POU6F2: variants seen among roughly 807,000 people sequenced by gnomAD.
POU6F2 encodes POU class 6 homeobox 2, also known as POU domain, class 6, transcription factor 2.
Under a neutral mutation model 71.3 loss-of-function variants are expected in POU6F2, and 31 were observed. That is an observed-to-expected ratio of 0.43 (90% CI 0.33 to 0.59). POU6F2 has a LOEUF of 0.59. Ranked by LOEUF, POU6F2 falls within the 20% of genes least tolerant of loss-of-function variation. The pLI is 0.04. For missense variants in POU6F2, 783 were observed against 856.8 expected (o/e 0.91, Z 1.07); for synonymous variants, 347 against 355.7 (o/e 0.98, Z 0.27).
intron 4 of POU6F2, among the ~76,000 whole-genome samples, chr7:39,230,416 C>T (rs1418021231): frequency 3.3e-5 from 5 of 151,492 alleles, no homozygotes; most frequent in Admixed American, 6.6e-5. Context: ...CCCAGGAATT[C>T]GAGGCTGCAG....
intron 3 of POU6F2, among the ~76,000 whole-genome samples, chr7:39,205,478 A>G (rs779029759): frequency 9.2e-5 from 14 of 151,860 alleles, no homozygotes; most frequent in Non-Finnish European, 1.9e-4. Flanking sequence ...TGAGCCCACA[A>G]ATCCTATTTT....
intron 1 of POU6F2, among the ~76,000 whole-genome samples, chr7:39,038,213 G>A (rs1021822669): frequency 6.6e-6 from 1 of 151,816 alleles, no homozygotes; most frequent in African/African-American, 2.4e-5. Flanking sequence ...CCAAGATGAG[G>A]ATACAAGATC....
At chr7:39,178,588 T>G (rs979582833) in intron 2 of POU6F2, among the ~76,000 whole-genome samples, 5 of 152,348 alleles carry the variant, frequency 3.3e-5, no homozygotes, top group South Asian at 4.1e-4. Flanking sequence ...ATTTAACAAC[T>G]TGTCATTTTG....
intron 5 of POU6F2, among the ~76,000 whole-genome samples, chr7:39,350,413 G>T (rs1043451470): frequency 6.6e-5 from 10 of 152,154 alleles, no homozygotes; most frequent in East Asian, 3.9e-4. Context: ...TGGAAACTTG[G>T]TTTTTTGGGG....
intron 6 of POU6F2, among the ~76,000 whole-genome samples, chr7:39,413,739 C>T (rs1787607729): frequency 6.6e-6 from 1 of 152,106 alleles, no homozygotes; most frequent in South Asian, 2.1e-4. Flanking sequence ...TATATATGTT[C>T]ATGGGATTAG....
chr7:39,233,302 CAA>C lies in POU6F2; in HGVS notation c.598+25696_598+25697del, dbSNP rs59496470. Among the ~76,000 whole-genome samples, 506 of 136,034 alleles carry C rather than the reference CAA, an allele frequency of 3.7e-3. 5 individuals carry two copies. The highest frequency in any genetic ancestry group is 0.011 in the African/African-American group (391 of 36,482). 89.2% of individuals were successfully genotyped at this position (136,034 alleles called of 152,430 possible). A position where few individuals can be genotyped will look rare whatever the true frequency, so the allele number is the denominator to read the frequency against. ...GAAATAGTGGTATTATCTGTTTTAC[CAA>C]AAAAAAAAAAAAATTCTGCTAAGTA... is the stretch of plus-strand genomic sequence containing the variant. On this transcript the variant is annotated intron_variant, in intron 4 of 9. Coordinates refer to ENST00000518318, the MANE Select transcript of POU6F2 (RefSeq NM_001370959.1).
chr7:39,054,098 T>C (rs1175934192), intron 1 of POU6F2, among the ~76,000 whole-genome samples: 1 of 151,038 alleles, frequency 6.6e-6, no homozygotes, highest in Non-Finnish European at 1.5e-5. Flanking sequence ...CAAGACTCCA[T>C]CTCCAAAAAA....
intron 7 of POU6F2, among the ~76,000 whole-genome samples, chr7:39,450,720 G>A (rs558473372): frequency 6.6e-6 from 1 of 152,274 alleles, no homozygotes; most frequent in Admixed American, 6.5e-5. Context: ...TCGGGTCCCA[G>A]GGTCAGACTT....
intron 4 of POU6F2, among the ~76,000 whole-genome samples, chr7:39,321,692 T>G (rs1327943765): frequency 6.6e-6 from 1 of 152,172 alleles, no homozygotes; most frequent in Non-Finnish European, 1.5e-5. Context: ...GTTGAAGTTA[T>G]GTTTATAAGT....
At chr7:39,130,220 A>G (rs1325492095) in intron 2 of POU6F2, among the ~76,000 whole-genome samples, 3 of 151,840 alleles carry the variant, frequency 2.0e-5, no homozygotes, top group African/African-American at 4.8e-5. Flanking sequence ...TTTATTAACT[A>G]TAGGAAAAAT....
intron 4 of POU6F2, among the ~76,000 whole-genome samples, chr7:39,303,307 C>T (rs1236035685): frequency 6.6e-6 from 1 of 152,122 alleles, no homozygotes; most frequent in East Asian, 1.9e-4. Context: ...TCCGCCGCGC[C>T]TGGCTAATTT....
chr7:39,015,838 A>T (rs867706605), intron 1 of POU6F2, among the ~76,000 whole-genome samples: 524 of 36,042 alleles, frequency 0.015, 23 homozygotes, highest in Middle Eastern at 0.045. Context: ...TAGATATATA[A>T]TATATTATAT....
chr7:38,987,986 G>A (rs1788504239), intron 1 of POU6F2, among the ~76,000 whole-genome samples: 1 of 152,096 alleles, frequency 6.6e-6, no homozygotes, highest in Non-Finnish European at 1.5e-5. Context: ...TTTAAAGGTA[G>A]CTGGCTTCTT....
intron 5 of POU6F2, among the ~76,000 whole-genome samples, chr7:39,352,192 G>A (rs1786150810): frequency 6.6e-6 from 1 of 152,220 alleles, no homozygotes; most frequent in African/African-American, 2.4e-5. Context: ...CACCAGTGCA[G>A]CGATTAAAGT....
chr7:39,134,861 A>G (rs1463521156), intron 2 of POU6F2, among the ~76,000 whole-genome samples: 1 of 152,214 alleles, frequency 6.6e-6, no homozygotes, highest in East Asian at 1.9e-4. Context: ...AGTGCATTAA[A>G]CTACCAACTT....
intron 4 of POU6F2, among the ~76,000 whole-genome samples, chr7:39,261,069 A>G (rs1016009517): frequency 1.1e-4 from 5 of 46,374 alleles, no homozygotes; most frequent in Non-Finnish European, 1.8e-4. Flanking sequence ...ACACATGCAC[A>G]CACACACACA....
intron 2 of POU6F2, among the ~76,000 whole-genome samples, chr7:39,141,013 C>G (rs1792487289): frequency 6.6e-6 from 1 of 152,086 alleles, no homozygotes; most frequent in African/African-American, 2.4e-5. Flanking sequence ...GAGGCTGCAG[C>G]TTGTGGCCAG....
chr7:39,191,664 A>G (rs1358014542), intron 2 of POU6F2, among the ~76,000 whole-genome samples: 1 of 152,230 alleles, frequency 6.6e-6, no homozygotes, highest in African/African-American at 2.4e-5. Context: ...CTTTTGTTCT[A>G]TTTGACTTTA....
At chr7:39,273,236 G>GTGACT (rs1784371075) in intron 4 of POU6F2, among the ~76,000 whole-genome samples, 1 of 152,160 alleles carries the variant, frequency 6.6e-6, no homozygotes, top group African/African-American at 2.4e-5. Flanking sequence ...GCTAGACTCT[G>GTGACT]TGACTTGCTT....
Sources: allele counts gnomAD v4.1 joint callset (sites outside exome capture counted in the v4.1 genomes callset), GRCh38; gene constraint gnomAD v4.1.1; transcripts MANE v1.5; gene names NCBI Gene and HGNC (gene_info 2026-07-23, HGNC 2026-07-21).